DNAJC1: variants seen among roughly 807,000 people sequenced by gnomAD.
DNAJC1 encodes DnaJ heat shock protein family (Hsp40) member C1.
Under a neutral mutation model 76.6 loss-of-function variants are expected in DNAJC1, and 58 were observed. The observed-to-expected ratio is 0.76, with a 90% CI of 0.61 to 0.94. The LOEUF (loss-of-function observed/expected upper bound fraction) is 0.94. DNAJC1 is among the 40% of genes least tolerant of loss of function. The pLI is 0.00. For missense variants in DNAJC1, 689 were observed against 677.3 expected (o/e 1.02, Z -0.19); for synonymous variants, 258 against 267.9 (o/e 0.96, Z 0.36).
At chr10:21,759,729 C>A (rs1007669456) in intron 10 of DNAJC1, 111 bp from the exon 11 acceptor site, 2 of 941,286 alleles carry the variant, frequency 2.1e-6, no homozygotes, top group Non-Finnish European at 3.2e-6. Context: ...ATTTTGCATG[C>A]ATGGTTTAAT....
At chr10:21,955,944 A>T (rs1020332705) in intron 1 of DNAJC1, among the ~76,000 whole-genome samples, 6 of 152,248 alleles carry the variant, frequency 3.9e-5, no homozygotes, top group Admixed American at 6.5e-5. Context: ...ACTTTAAAAA[A>T]TTTAAAGAAA....
chr10:21,809,910 C>T (rs1837058999), intron 8 of DNAJC1, among the ~76,000 whole-genome samples: 1 of 151,904 alleles, frequency 6.6e-6, no homozygotes, highest in Admixed American at 6.6e-5. Flanking sequence ...CAGTTGGCTG[C>T]CTTCTTGCTC....
chr10:21,877,794 C>G (rs940691172), intron 8 of DNAJC1, among the ~76,000 whole-genome samples: 5 of 152,254 alleles, frequency 3.3e-5, no homozygotes, highest in African/African-American at 1.2e-4. Flanking sequence ...GTTGGGGCGC[C>G]AACCCCTGGT....
At chr10:21,921,889 TACAA>T (rs1564828169) in intron 3 of DNAJC1, among the ~76,000 whole-genome samples, 1 of 152,052 alleles carries the variant, frequency 6.6e-6, no homozygotes. Context: ...AATGGTCACA[TACAA>T]ACACTGTGTG....
chr10:21,786,025 C>T (rs919559480), intron 9 of DNAJC1, among the ~76,000 whole-genome samples: 9 of 152,220 alleles, frequency 5.9e-5, no homozygotes, highest in African/African-American at 2.2e-4. Context: ...CTCATTAATG[C>T]TTTTGGACGA....
At chr10:21,764,972 T>C (rs1246335668) in intron 10 of DNAJC1, among the ~76,000 whole-genome samples, 1 of 152,192 alleles carries the variant, frequency 6.6e-6, no homozygotes, top group Non-Finnish European at 1.5e-5. Context: ...CCACATTTCC[T>C]GTTTTCTTCA....
intron 8 of DNAJC1, among the ~76,000 whole-genome samples, chr10:21,872,073 CTTTTT>C (rs546290479): frequency 7.5e-6 from 1 of 133,026 alleles, no homozygotes. Flanking sequence ...GTTAAATCAT[CTTTTT>C]TTTTTTTTTT....
At chr10:22,001,217 T>C (rs1253342160) in intron 1 of DNAJC1, among the ~76,000 whole-genome samples, 2 of 152,200 alleles carry the variant, frequency 1.3e-5, no homozygotes, top group Admixed American at 1.3e-4. Flanking sequence ...CTACCTACTT[T>C]GTTCTGGTCC....
chr10:21,805,236 A>G (rs1834869586), intron 9 of DNAJC1, among the ~76,000 whole-genome samples: 1 of 152,118 alleles, frequency 6.6e-6, no homozygotes, highest in African/African-American at 2.4e-5. Flanking sequence ...ACTATCCCTC[A>G]TGAAAATATC....
chr10:21,869,621 C>T (rs761171652), intron 8 of DNAJC1, among the ~76,000 whole-genome samples: 9 of 152,054 alleles, frequency 5.9e-5, no homozygotes, highest in Non-Finnish European at 1.3e-4. Flanking sequence ...TCAGAATAAA[C>T]CTCTTTAAAT....
intron 1 of DNAJC1, among the ~76,000 whole-genome samples, chr10:21,962,715 T>A (rs1225604432): frequency 6.7e-6 from 1 of 150,110 alleles, no homozygotes; most frequent in Non-Finnish European, 1.5e-5. Flanking sequence ...AACTCCACCA[T>A]GCCTGGCCTG....
At chr10:21,938,701 T>C (rs761089946) in intron 1 of DNAJC1, among the ~76,000 whole-genome samples, 20 of 152,208 alleles carry the variant, frequency 1.3e-4, no homozygotes, top group Non-Finnish European at 1.8e-4. Context: ...CTGACCCTGA[T>C]TTTAATCAAT....
intron 8 of DNAJC1, among the ~76,000 whole-genome samples, chr10:21,880,719 C>T (rs1836260715): frequency 6.6e-6 from 1 of 152,144 alleles, no homozygotes; most frequent in Admixed American, 6.5e-5. Context: ...TTATAGAGCA[C>T]AGATAGAATG....
At chr10:21,879,605 CAG>C (rs1836239627) in intron 8 of DNAJC1, among the ~76,000 whole-genome samples, 1 of 152,020 alleles carries the variant, frequency 6.6e-6, no homozygotes, top group African/African-American at 2.4e-5. Context: ...GCCTGGGCGA[CAG>C]AGAGAGACTC....
At chr10:21,908,705 C>T (rs930834576) in intron 6 of DNAJC1, among the ~76,000 whole-genome samples, 2 of 151,914 alleles carry the variant, frequency 1.3e-5, no homozygotes, top group African/African-American at 4.8e-5. Flanking sequence ...TAATTAAATG[C>T]TTACTTCAAT....
At chr10:21,757,272 C>T (rs1360768997) in intron 11 of DNAJC1, among the ~76,000 whole-genome samples, 1 of 152,194 alleles carries the variant, frequency 6.6e-6, no homozygotes, top group Non-Finnish European at 1.5e-5. Flanking sequence ...TCCCACCCTA[C>T]AGGCTGCAGA....
intron 1 of DNAJC1, among the ~76,000 whole-genome samples, chr10:21,967,002 C>CTTT (rs1837902462): frequency 1.1e-5 from 1 of 90,012 alleles, no homozygotes; most frequent in African/African-American, 5.3e-5. Flanking sequence ...CCACCTTTTT[C>CTTT]TTCTTCTTCT....
At chr10:21,999,498 C>T (rs999355998) in intron 1 of DNAJC1, among the ~76,000 whole-genome samples, 1 of 150,036 alleles carries the variant, frequency 6.7e-6, no homozygotes, top group Non-Finnish European at 1.5e-5. Flanking sequence ...CTCTGTCGCC[C>T]AGGCTGGAGT....
chr10:21,984,822 T>C (rs1838213685), intron 1 of DNAJC1, among the ~76,000 whole-genome samples: 1 of 152,156 alleles, frequency 6.6e-6, no homozygotes, highest in South Asian at 2.1e-4. Flanking sequence ...AAAAACATAG[T>C]GAGACCAAGT....
Sources: gnomAD v4.1 joint callset for allele counts (sites outside exome capture counted in the v4.1 genomes callset) on GRCh38, gnomAD v4.1.1 for gene constraint, MANE v1.5 for transcripts, NCBI Gene and HGNC (gene_info 2026-07-23, HGNC 2026-07-21) for gene names.